JAG1: variants seen among roughly 807,000 people sequenced by gnomAD.
JAG1 encodes protein jagged-1.
In JAG1, 23 loss-of-function variants were observed where a neutral mutation model predicts 148.7. The observed-to-expected ratio is 0.15, with a 90% CI of 0.11 to 0.22. The LOEUF (loss-of-function observed/expected upper bound fraction) is 0.22. JAG1 is among the 10% of genes least tolerant of loss of function. The probability of loss-of-function intolerance (pLI) is 1.00; values close to 1 mark genes in which losing one functional copy is unlikely to be tolerated. For synonymous variants in JAG1, 572 were observed against 598.3 expected (o/e 0.96, Z 0.64); for missense variants, 1,054 against 1,611.2 (o/e 0.65, Z 5.92).
At position 10,639,884 on chromosome 20, in the gene JAG1, A is replaced by G; in HGVS notation, c.3271T>C (p.Trp1091Arg). The G allele has an allele frequency of 6.2e-7, 1 of 1,614,236 alleles. No individual in the cohort carries two copies. The highest frequency in any genetic ancestry group is 8.5e-7 in the Non-Finnish European group (1 of 1,180,040). ...GGCTTCCGCCGCTTCCGCAGGCACC[A>G]GTAGAAGGCCGTCACCAAGCAACAG... ...WICCLVTAFY[W>R]CLRKRRKPGS... Residue 1091 changes from tryptophan to arginine, a missense_variant, in exon 26 of 26, where the codon TGG becomes CGG. Around this residue, in one of 6 missense-constraint regions of JAG1, gnomAD observed 177 missense variants for 177.3 expected, o/e 1.00. Coordinates refer to ENST00000254958, the MANE Select transcript of JAG1 (RefSeq NM_000214.3).
chr20:10,641,398 C>A (rs2067270254), intron 23 of JAG1, 62 bp downstream of exon 23: 1 of 1,540,606 alleles, frequency 6.5e-7, no homozygotes. Context: ...CATGGCATTC[C>A]TCCTTTAAAG....
intron 3 of JAG1, among the ~76,000 whole-genome samples, 168 bp downstream of exon 3, chr20:10,663,795 T>C (rs1358552673): frequency 6.6e-6 from 1 of 152,156 alleles, no homozygotes; most frequent in Non-Finnish European, 1.5e-5. Context: ...CCTAGAAAAG[T>C]TAAGGAATAC....
intron 4 of JAG1, among the ~76,000 whole-genome samples, chr20:10,656,762 C>T (rs1016652145): frequency 2.0e-4 from 31 of 151,648 alleles, no homozygotes; most frequent in Admixed American, 9.9e-4. Context: ...GCTCCTTGAG[C>T]AGAGCTTGGT....
At chr20:10,668,715 C>T (rs1600194148) in intron 2 of JAG1, among the ~76,000 whole-genome samples, 1 of 151,616 alleles carries the variant, frequency 6.6e-6, no homozygotes. Context: ...CTAAACTTTC[C>T]ACGTCTTCTA....
At chr20:10,663,856 G>A (rs2067433530) in intron 3 of JAG1, 107 bp downstream of exon 3, 3 of 855,908 alleles carry the variant, frequency 3.5e-6, no homozygotes, top group Admixed American at 1.7e-5. Context: ...AAGGCAAGAG[G>A]TGGCAGAAAT....
chr20:10,647,202 G>T, intron 13 of JAG1, 99 bp from the exon 14 acceptor site: 1 of 1,417,968 alleles, frequency 7.1e-7, no homozygotes, highest in Non-Finnish European at 9.9e-7. Context: ...TGGAGACAGG[G>T]ACCCTCTGGC....
chr20:10,645,507 TC>T lies in JAG1; in HGVS notation c.2000-39del, dbSNP rs781682334. On this transcript the variant is annotated intron_variant, in intron 15 of 25. Transcript: ENST00000254958. The surrounding 1 kb of genome is among the most constrained non-coding windows in gnomAD (Gnocchi z 6.1). ...GGGAGACAATCGGCTGAAGACGAGA[TC>T]CAGGACCATTCACGACAGGCGAGAG... is the stretch of plus-strand genomic sequence containing the variant. 1.0e-5 allele frequency: 16 copies of T among 1,538,532 alleles called. No individual in the cohort carries two copies. The South Asian group carries it at 1.7e-4, about 16-fold the overall frequency.
intron 21 of JAG1, 62 bp downstream of exon 21, chr20:10,642,426 G>A: frequency 1.1e-6 from 1 of 930,860 alleles, no homozygotes. Flanking sequence ...AAAGTCAAAT[G>A]GTGACTGCAA....
At chr20:10,666,994 T>A (rs965764317) in intron 2 of JAG1, among the ~76,000 whole-genome samples, 1 of 152,180 alleles carries the variant, frequency 6.6e-6, no homozygotes, top group East Asian at 1.9e-4. Context: ...GGCGGTTACC[T>A]TGGCACTGGG....
At chr20:10,643,654 C>G in intron 20 of JAG1, 124 bp downstream of exon 20, 1 of 783,100 alleles carries the variant, frequency 1.3e-6, no homozygotes, top group South Asian at 1.5e-5. Context: ...GGAGAGAGAT[C>G]CTTTGCTCTA....
At chr20:10,650,648 A>T (rs1266816374) in intron 8 of JAG1, 9 of 399,062 alleles carry the variant, frequency 2.3e-5, no homozygotes, top group Non-Finnish European at 3.7e-5. Context: ...GGACATCTCT[A>T]TCTGCCTAAT....
intron 2 of JAG1, 43 bp downstream of exon 2, chr20:10,672,658 G>C (rs752697119): frequency 1.3e-6 from 2 of 1,594,480 alleles, no homozygotes; most frequent in Admixed American, 3.3e-5. Context: ...GCCAGGCGCG[G>C]GTGTGAGGCT....
intron 14 of JAG1, chr20:10,646,285 C>T (rs2067307743): frequency 3.4e-6 from 2 of 596,668 alleles, no homozygotes; most frequent in Non-Finnish European, 6.1e-6. Flanking sequence ...CCACTTAATG[C>T]CCTCACATGG....
chr20:10,651,685 G>C lies in JAG1; in HGVS notation c.1016C>G (p.Ala339Gly). 2 of 1,611,796 alleles carry C rather than the reference G, an allele frequency of 1.2e-6. No individual in the cohort carries two copies. Among genetic ancestry groups the C allele is most frequent in the South Asian group, 2.2e-5 (2 of 90,946 alleles). The change falls in exon 8 of 26, where the codon GCC becomes GGC. Residue 339 changes from alanine (A) to glycine (G), a missense_variant. Around this residue, in one of 6 missense-constraint regions of JAG1, gnomAD observed 245 missense variants for 373.1 expected, o/e 0.66. Coordinates refer to ENST00000254958, the MANE Select transcript of JAG1 (RefSeq NM_000214.3). ...SGPNCEIAEH[A>G]CLSDPCHNRG... ...GTTGTGACAGGGATCAGAGAGGCAG[G>C]CGTGCTCAGCTGCAAAAACCAGGAT...
chr20:10,658,429 G>A, intron 4 of JAG1, 39 bp downstream of exon 4: 1 of 1,610,748 alleles, frequency 6.2e-7, no homozygotes, highest in South Asian at 1.1e-5. Flanking sequence ...GACACTAAAA[G>A]CAACAGGCAC....
In JAG1 at chr20:10,648,689, G is replaced by A; in HGVS notation, c.1429C>T (p.Pro477Ser). Residue 477 changes from proline (P) to serine (S), a missense_variant, in exon 12 of 26, where the codon CCT (proline) becomes TCT (serine). This residue lies in a region of JAG1 where 245 missense variants were observed against 373.1 expected (regional missense o/e 0.66). Coordinates refer to ENST00000254958, the MANE Select transcript of JAG1 (RefSeq NM_000214.3). ...LVNGYRCICPPGYAGDHCERD... is the reference protein window; with the variant it reads ...LVNGYRCICPSGYAGDHCERD... ...TCACAGTGATCGCCTGCATAGCCAG[G>A]TGGACAGATACAGCGATAACCATTA... 1.2e-6 allele frequency: 2 copies of A among 1,614,238 alleles called. No individual in the cohort carries two copies. The highest frequency in any genetic ancestry group is 1.7e-6 in the Non-Finnish European group (2 of 1,180,032).
Position 10,673,166 on chromosome 20 carries a change from C to CAA in JAG1, c.82-162_82-161dup, listed in dbSNP as rs33929314. On this transcript the variant is annotated intron_variant, in intron 1 of 25. Coordinates refer to ENST00000254958, the MANE Select transcript of JAG1 (RefSeq NM_000214.3). The surrounding 1 kb of genome is among the most constrained non-coding windows in gnomAD (Gnocchi z 4.7). ...TCAAGGACTCAACATGATTCCGGGG[C>CAA]AAAAAAAAAAAAAAATGCACGAGTG... is the stretch of plus-strand genomic sequence containing the variant. 0.014 allele frequency: 8,404 copies of CAA among 585,808 alleles called. 20 individuals carry two copies. Among genetic ancestry groups the CAA allele is most frequent in the Non-Finnish European group, 0.018 (6,009 of 336,508 alleles). 36.3% of individuals were successfully genotyped at this position (585,808 alleles called of 1,614,324 possible).
At chr20:10,656,515 G>A (rs1282432818) in intron 4 of JAG1, 57 bp from the exon 5 acceptor site, 4 of 1,458,354 alleles carry the variant, frequency 2.7e-6, no homozygotes, top group East Asian at 4.5e-5. Flanking sequence ...CATCGCCCCG[G>A]TCATGAGAAT....
intron 9 of JAG1, 62 bp from the exon 10 acceptor site, chr20:10,649,697 A>G (rs757633543): frequency 6.5e-6 from 6 of 919,038 alleles, no homozygotes; most frequent in South Asian, 2.7e-5. Context: ...CCCACCTTGG[A>G]AAAAAAAAGA....
Sources: allele counts gnomAD v4.1 joint callset (sites outside exome capture counted in the v4.1 genomes callset), GRCh38; gene constraint gnomAD v4.1.1; regional missense constraint gnomAD v4.1.1; non-coding constraint Gnocchi (gnomAD v3.1); transcripts MANE v1.5; gene names NCBI Gene and HGNC (gene_info 2026-07-23, HGNC 2026-07-21).